GRM3: variants seen among roughly 807,000 people sequenced by gnomAD.
GRM3 encodes glutamate metabotropic receptor 3, also known as metabotropic glutamate receptor 3.
In GRM3, 26 loss-of-function variants were observed where a neutral mutation model predicts 70.5. That is an observed-to-expected ratio of 0.37 (90% CI 0.27 to 0.51). The LOEUF is 0.51. Among genes scored for constraint, GRM3 ranks in the 20% least tolerant of loss-of-function variants. GRM3 has a pLI of 0.93. For missense variants in GRM3, 859 were observed against 1,123.8 expected (o/e 0.76, Z 3.37); for synonymous variants, 443 against 434.9 (o/e 1.02, Z -0.23).
Position 86,646,626 on chromosome 7 carries a change from A to G in GRM3, c.-141+1754A>G, listed in dbSNP as rs562276343. Among the ~76,000 whole-genome samples the G allele has an allele frequency of 1.8e-3, 278 of 152,326 alleles. 2 individuals carry two copies. The highest frequency in any genetic ancestry group is 6.1e-3 in the African/African-American group (255 of 41,578). Reference sequence around the variant, plus strand: ...GCCCCTAGATACTATATATCTAGGTATAAAACTGTGGTTTTATGAGTTAGG... The same window carrying G: ...GCCCCTAGATACTATATATCTAGGTGTAAAACTGTGGTTTTATGAGTTAGG... On this transcript the variant is annotated intron_variant, in intron 1 of 5. Coordinates refer to ENST00000361669, the MANE Select transcript of GRM3 (RefSeq NM_000840.3).
chr7:86,682,811 CT>C (rs1794473361), intron 1 of GRM3, among the ~76,000 whole-genome samples: 1 of 152,044 alleles, frequency 6.6e-6, no homozygotes, highest in Non-Finnish European at 1.5e-5. Context: ...AGCAAGATTT[CT>C]TTTTTCAAAA....
intron 5 of GRM3, among the ~76,000 whole-genome samples, chr7:86,853,710 C>T (rs954434941): frequency 1.3e-5 from 2 of 152,156 alleles, no homozygotes; most frequent in South Asian, 2.1e-4. Context: ...AGAGTTATCG[C>T]GTTTCCTCCA....
At chr7:86,716,520 T>C (rs559990490) in intron 1 of GRM3, among the ~76,000 whole-genome samples, 1 of 151,870 alleles carries the variant, frequency 6.6e-6, no homozygotes, top group African/African-American at 2.4e-5. Flanking sequence ...GGTCAAGATA[T>C]CCTAATATCC....
At chr7:86,825,855 G>A (rs1490755385) in intron 3 of GRM3, among the ~76,000 whole-genome samples, 1 of 152,198 alleles carries the variant, frequency 6.6e-6, no homozygotes, top group South Asian at 2.1e-4. Context: ...TAGTTTGCAC[G>A]GTTGGCTTCT....
At chr7:86,769,253 A>G (rs1028345381) in intron 2 of GRM3, among the ~76,000 whole-genome samples, 1 of 152,082 alleles carries the variant, frequency 6.6e-6, no homozygotes, top group Non-Finnish European at 1.5e-5. Context: ...TGTACTGGAA[A>G]TTGTCTTTTC....
intron 2 of GRM3, among the ~76,000 whole-genome samples, chr7:86,775,647 G>A (rs962870316): frequency 2.6e-5 from 4 of 151,918 alleles, no homozygotes; most frequent in African/African-American, 7.3e-5. Flanking sequence ...ATTCTTAGTG[G>A]TCTCACCACC....
rs575382673 is a variant in GRM3 at position 86,741,078 on chromosome 7, C to T, written c.-140-23928C>T. Among the ~76,000 whole-genome samples the T allele has an allele frequency of 1.5e-4, 23 of 152,248 alleles. No homozygotes were observed. The South Asian group carries it at 4.8e-3, about 32-fold the overall frequency. ...TTCCCATCTAAAATGTTTTCCTGGA[C>T]CATCTCCACCCAGACCTTATGAAAG... On this transcript the variant is annotated intron_variant, in intron 1 of 5. Transcript: ENST00000361669.
chr7:86,761,463 C>A (rs530117042), intron 1 of GRM3, among the ~76,000 whole-genome samples: 52 of 152,090 alleles, frequency 3.4e-4, no homozygotes, highest in African/African-American at 1.2e-3. Flanking sequence ...TCAAAGAGTG[C>A]AATAGGGGAA....
Position 86,839,623 on chromosome 7 carries a change from G to T in GRM3, c.2109G>T (p.Val703=), listed in dbSNP as rs749899084. The T allele has an allele frequency of 1.9e-6, 3 of 1,613,944 alleles. No homozygotes were observed. The Admixed American group carries it at 5.0e-5, about 27-fold the overall frequency. Residue 703 remains valine, a synonymous_variant, in exon 4 of 6, where the codon GTG becomes GTT. Transcript: ENST00000361669. The surrounding 1 kb of genome is among the most constrained non-coding windows in gnomAD (Gnocchi z 4.5). ...TGATCCTGGTGCAAATTGTGATGGT[G>T]TCTGTGTGGCTCATCCTGGAGGCCC... The part of the protein sequence containing the change: ...LGLILVQIVM[V]SVWLILEAPG...
chr7:86,702,430 C>T (rs1430083419), intron 1 of GRM3, among the ~76,000 whole-genome samples: 1 of 151,954 alleles, frequency 6.6e-6, no homozygotes, highest in Admixed American at 6.6e-5. Flanking sequence ...CCACAACAAC[C>T]AGCTCTATTT....
chr7:86,784,190 C>T (rs1797159004), intron 2 of GRM3: 1 of 151,684 alleles, frequency 6.6e-6, no homozygotes, highest in Non-Finnish European at 1.5e-5. Context: ...GACATGAAGC[C>T]TATCATTGAA....
chr7:86,822,895 T>C (rs1340579678), intron 3 of GRM3, among the ~76,000 whole-genome samples: 1 of 152,200 alleles, frequency 6.6e-6, no homozygotes, highest in Non-Finnish European at 1.5e-5. Context: ...ACTGTTTAGC[T>C]TTGTTAATCC....
chr7:86,812,441 A>G (rs896261278), intron 3 of GRM3, among the ~76,000 whole-genome samples: 11 of 151,828 alleles, frequency 7.2e-5, no homozygotes, highest in African/African-American at 2.4e-4. Flanking sequence ...GTGGCTACAG[A>G]ATCAGTATTA....
chr7:86,837,099 CAA>C (rs1195775954), intron 3 of GRM3, among the ~76,000 whole-genome samples: 1 of 152,044 alleles, frequency 6.6e-6, no homozygotes, highest in East Asian at 1.9e-4. Context: ...TACAAAGAAA[CAA>C]ATAACAATAA....
intron 1 of GRM3, among the ~76,000 whole-genome samples, chr7:86,653,019 A>G (rs1376410031): frequency 1.3e-5 from 2 of 152,258 alleles, no homozygotes; most frequent in Admixed American, 6.5e-5. Flanking sequence ...GAAATACCAT[A>G]GACCAGGTAG....
In GRM3 at chr7:86,765,317, G is replaced by A. The variant is rs1796573534; in HGVS notation, c.172G>A (p.Gly58Arg). The change falls in exon 2 of 6, where the codon GGG becomes AGG. Residue 58 changes from glycine to arginine, a missense_variant. Coordinates refer to ENST00000361669, the MANE Select transcript of GRM3 (RefSeq NM_000840.3). ...NEKGTGTEEC[G>R]RINEDRGIQR... ...AAAAGGCACTGGAACTGAAGAATGT[G>A]GGCGAATCAATGAAGACCGAGGGAT... is the stretch of plus-strand genomic sequence containing the variant. 6.2e-7 allele frequency: 1 copy of A among 1,613,780 alleles called. No individual in the cohort carries two copies. Among genetic ancestry groups the A allele is most frequent in the African/African-American group, 1.3e-5 (1 of 74,898 alleles).
intron 2 of GRM3, chr7:86,784,219 T>G (rs1562862340): frequency 6.6e-6 from 1 of 151,644 alleles, no homozygotes; most frequent in Admixed American, 6.6e-5. Flanking sequence ...ACTTTTTTGT[T>G]TTTTTTTTGA....
chr7:86,660,276 A>G (rs368982716), intron 1 of GRM3, among the ~76,000 whole-genome samples: 2 of 152,040 alleles, frequency 1.3e-5, no homozygotes, highest in East Asian at 1.9e-4. Context: ...AATGATTGCG[A>G]ATTAATTGTG....
At chr7:86,763,706 C>T (rs78528538) in intron 1 of GRM3, among the ~76,000 whole-genome samples, 1,600 of 152,198 alleles carry the variant, frequency 0.011, 24 homozygotes, top group African/African-American at 0.036. Context: ...TGAGATGTGA[C>T]GACAAAATGA....
Sources: gnomAD v4.1 joint callset for allele counts (sites outside exome capture counted in the v4.1 genomes callset) on GRCh38, gnomAD v4.1.1 for gene constraint, Gnocchi (gnomAD v3.1) non-coding constraint, MANE v1.5 for transcripts, NCBI Gene and HGNC (gene_info 2026-07-23, HGNC 2026-07-21) for gene names.